TMEM87A: variants seen among roughly 807,000 people sequenced by gnomAD.
TMEM87A encodes the protein transmembrane protein 87A.
A neutral mutation model predicts 90.0 loss-of-function variants in TMEM87A; 50 were observed. The ratio of observed to expected loss-of-function variants is 0.56; its 90% CI spans 0.44 to 0.70. The LOEUF (loss-of-function observed/expected upper bound fraction) is 0.70. TMEM87A is among the 30% of genes least tolerant of loss of function. The pLI is 0.00. For synonymous variants in TMEM87A, 226 were observed against 226.7 expected (o/e 1.00, Z 0.03); for missense variants, 577 against 660.5 (o/e 0.87, Z 1.39).
At chr15:42,236,784 T>C (rs12440087) in intron 9 of TMEM87A, among the ~76,000 whole-genome samples, 22,018 of 152,242 alleles carry the variant, frequency 0.14, 2,790 homozygotes, top group African/African-American at 0.32. Context: ...AACACACTCG[T>C]GTACACGCTT....
chr15:42,258,869 A>C, intron 6 of TMEM87A: 1 of 1,517,702 alleles, frequency 6.6e-7, no homozygotes, highest in Non-Finnish European at 8.8e-7. Context: ...CTGAAAATCT[A>C]CTCATCCATA....
intron 2 of TMEM87A, among the ~76,000 whole-genome samples, chr15:42,268,979 T>C (rs554913994): frequency 5.9e-5 from 9 of 151,926 alleles, no homozygotes; most frequent in Non-Finnish European, 8.8e-5. Context: ...CTGTGGAAGG[T>C]AGAAATAGCA....
Position 42,273,251 on chromosome 15 carries a change from T to G in TMEM87A, c.144+4A>C. 6.2e-7 allele frequency: 1 copy of G among 1,614,052 alleles called. No individual in the cohort carries two copies. The highest frequency in any genetic ancestry group is 8.5e-7 in the Non-Finnish European group (1 of 1,180,014). On this transcript the variant is annotated splice_donor_region_variant and intron_variant, in intron 1 of 19. Transcript: ENST00000389834. ...GTTCAGACGTTAGTGAAGTGAATAC[T>G]CACCGACGGTATCGGAATGTGCCAT...
intron 12 of TMEM87A, 63 bp downstream of exon 12, chr15:42,231,129 A>G: frequency 7.3e-7 from 1 of 1,360,816 alleles, no homozygotes; most frequent in Non-Finnish European, 9.8e-7. Flanking sequence ...CAGAAAGATC[A>G]ATGGAAACCC....
At chr15:42,253,062 A>G (rs1178177689) in intron 6 of TMEM87A, among the ~76,000 whole-genome samples, 1 of 152,214 alleles carries the variant, frequency 6.6e-6, no homozygotes, top group Non-Finnish European at 1.5e-5. Context: ...CTTAGTGGTC[A>G]GCTAGTGTTT....
rs763918830 is a variant in TMEM87A, at chr15:42,231,162, C to G, written c.1131+30G>C. 3.8e-6 allele frequency: 6 copies of G among 1,578,626 alleles called. No individual in the cohort carries two copies. In the Admixed American group the frequency reaches 7.7e-5, roughly 20 times the overall value. ...CCCATCTCAAGGGGAGAAAATGGAC[C>G]ATCATCAAACAAGCCAATGAGAAGG... is the stretch of plus-strand genomic sequence containing the variant. On this transcript the variant is annotated intron_variant, in intron 12 of 19. Coordinates refer to ENST00000389834, the MANE Select transcript of TMEM87A (RefSeq NM_015497.5).
At chr15:42,214,457 C>A (rs573430682) in intron 19 of TMEM87A, among the ~76,000 whole-genome samples, 1 of 152,194 alleles carries the variant, frequency 6.6e-6, no homozygotes, top group African/African-American at 2.4e-5. Flanking sequence ...CAGAATTTAA[C>A]GGCACGTTGA....
At chr15:42,239,844 T>C in intron 7 of TMEM87A, 113 bp from the exon 8 acceptor site, 2 of 889,570 alleles carry the variant, frequency 2.2e-6, no homozygotes, top group East Asian at 2.4e-5. Flanking sequence ...CATTTACTTT[T>C]AGGCACTTCA....
intron 3 of TMEM87A, among the ~76,000 whole-genome samples, chr15:42,264,559 A>T (rs4583208): frequency 7.1e-6 from 1 of 141,830 alleles, no homozygotes; most frequent in Non-Finnish European, 1.5e-5. Flanking sequence ...TCATAAGCTA[A>T]GATAGAGCAG....
At chr15:42,263,955 T>C (rs945767241) in intron 4 of TMEM87A, 135 bp downstream of exon 4, 7 of 647,382 alleles carry the variant, frequency 1.1e-5, no homozygotes, top group African/African-American at 3.7e-5. Flanking sequence ...TGGCTGACTA[T>C]GTACCTATCA....
intron 13 of TMEM87A, among the ~76,000 whole-genome samples, chr15:42,228,380 AC>A (rs1190064096): frequency 6.6e-6 from 1 of 152,210 alleles, no homozygotes; most frequent in Non-Finnish European, 1.5e-5. Context: ...ATAAAACTAA[AC>A]AAACATGTGG....
intron 2 of TMEM87A, 88 bp from the exon 3 acceptor site, chr15:42,268,120 G>T (rs139804079): frequency 9.8e-7 from 1 of 1,023,324 alleles, no homozygotes; most frequent in Non-Finnish European, 1.5e-6. Context: ...TATTCATTTC[G>T]TACCCTAAAC....
chr15:42,226,398 T>C (rs185669731), intron 15 of TMEM87A, among the ~76,000 whole-genome samples: 4 of 152,058 alleles, frequency 2.6e-5, no homozygotes, highest in African/African-American at 9.6e-5. Context: ...CATAGTAGAC[T>C]ACAGAATAGT....
intron 19 of TMEM87A, among the ~76,000 whole-genome samples, chr15:42,212,468 C>A (rs557990545): frequency 1.3e-5 from 2 of 152,152 alleles, no homozygotes; most frequent in African/African-American, 4.8e-5. Context: ...CTTTCCGATG[C>A]TCTCTGTTCT....
intron 6 of TMEM87A, 138 bp from the exon 7 acceptor site, chr15:42,244,305 G>T: frequency 1.7e-6 from 1 of 583,712 alleles, no homozygotes; most frequent in Non-Finnish European, 3.0e-6. Context: ...TGAAACATTA[G>T]GCACAACAAA....
At chr15:42,267,506 G>A (rs1166719180) in intron 3 of TMEM87A, among the ~76,000 whole-genome samples, 1 of 152,128 alleles carries the variant, frequency 6.6e-6, no homozygotes, top group Admixed American at 6.5e-5. Context: ...TATTGCAACA[G>A]ACTGAGTGAA....
chr15:42,246,350 G>A (rs1053936282), intron 6 of TMEM87A, among the ~76,000 whole-genome samples: 2 of 152,078 alleles, frequency 1.3e-5, no homozygotes, highest in African/African-American at 4.8e-5. Flanking sequence ...CAACGTGCAG[G>A]TTTGTTACAT....
chr15:42,220,803 A>T (rs920719591), intron 15 of TMEM87A, among the ~76,000 whole-genome samples: 1 of 151,822 alleles, frequency 6.6e-6, no homozygotes, highest in African/African-American at 2.4e-5. Context: ...TTATTTATTT[A>T]TTTTTTGAGA....
At position 42,237,505 on chromosome 15, in the gene TMEM87A, G is replaced by C. The variant is rs779873085; in HGVS notation, c.795C>G (p.Val265=). The part of the protein sequence containing the change: ...LLRIQFWIGA[V]IFLGMLEKAV... ...CTTTCTCAAGCATTCCCAGGAAGAT[G>C]ACAGCACCAATCCAAAACTGAATTC... Residue 265 remains valine, a synonymous_variant, in exon 9 of 20, where the codon GTC becomes GTG. Coordinates refer to ENST00000389834, the MANE Select transcript of TMEM87A (RefSeq NM_015497.5). 13 of 1,614,120 alleles carry C rather than the reference G, an allele frequency of 8.1e-6. No homozygotes were observed. Among genetic ancestry groups the C allele is most frequent in the Non-Finnish European group, 1.1e-5 (13 of 1,180,038 alleles).
Sources: allele counts gnomAD v4.1 joint callset (sites outside exome capture counted in the v4.1 genomes callset), GRCh38; gene constraint gnomAD v4.1.1; transcripts MANE v1.5; gene names NCBI Gene and HGNC (gene_info 2026-07-23, HGNC 2026-07-21).